Variants in LRIG1 observed in about 807,000 individuals in gnomAD.
The protein encoded by LRIG1 is leucine-rich repeats and immunoglobulin-like domains protein 1.
In LRIG1, 48 loss-of-function variants were observed where a neutral mutation model predicts 99.2. The observed-to-expected ratio is 0.48, with a 90% confidence interval of 0.38 to 0.62. The LOEUF (loss-of-function observed/expected upper bound fraction) is 0.62, where lower values mean the gene tolerates loss of function less well. LRIG1 is among the 20% of genes least tolerant of loss of function. The pLI, the probability that LRIG1 is intolerant of heterozygous loss-of-function variation, is 0.00. For missense variants in LRIG1, 1,646 were observed against 1,434.4 expected (o/e 1.15, Z -2.38); for synonymous variants, 772 against 596.1 (o/e 1.29, Z -4.30).
At chr3:66,399,105 A>G in intron 9 of LRIG1, 64 bp from the exon 10 acceptor site, 1 of 1,291,468 alleles carries the variant, frequency 7.7e-7, no homozygotes, top group East Asian at 2.3e-5. Flanking sequence ...AAGGGTTGAG[A>G]GAAAGAAAAA....
At chr3:66,393,231 G>T (rs965602045) in intron 12 of LRIG1, among the ~76,000 whole-genome samples, 4 of 152,194 alleles carry the variant, frequency 2.6e-5, no homozygotes. Context: ...GGATCTCAAG[G>T]CTCAAGGGAG....
At chr3:66,492,777 G>A (rs3856602) in intron 1 of LRIG1, among the ~76,000 whole-genome samples, 130,501 of 152,124 alleles carry the variant, frequency 0.86, 58,623 homozygotes, top group Non-Finnish European at 0.99. Context: ...TTGGTTGTTC[G>A]CACAATGGGC....
At chr3:66,455,028 T>A (rs1274007902) in intron 2 of LRIG1, among the ~76,000 whole-genome samples, 2 of 152,188 alleles carry the variant, frequency 1.3e-5, no homozygotes, top group African/African-American at 4.8e-5. Flanking sequence ...CACTGTAACC[T>A]CTGCCTCCTG....
chr3:66,486,094 CA>C (rs1700968064), intron 1 of LRIG1, among the ~76,000 whole-genome samples: 1 of 152,158 alleles, frequency 6.6e-6, no homozygotes, highest in Admixed American at 6.5e-5. Context: ...CAATATTTTT[CA>C]TAGAGTTAAG....
At chr3:66,474,041 T>C (rs1379612907) in intron 1 of LRIG1, among the ~76,000 whole-genome samples, 1 of 152,344 alleles carries the variant, frequency 6.6e-6, no homozygotes, top group East Asian at 1.9e-4. Context: ...GTTCTGGTTG[T>C]TGAAATGGCT....
chr3:66,390,558 T>G (rs150013323), intron 12 of LRIG1, among the ~76,000 whole-genome samples: 203 of 152,328 alleles, frequency 1.3e-3, no homozygotes, highest in African/African-American at 4.6e-3. Context: ...AGTCTATAGA[T>G]TCAATGCAAC....
rs763305052 is a variant in LRIG1 at position 66,378,835 on chromosome 3, T to G, written c.*1428A>C. 1.3e-5 allele frequency: 2 copies of G among 152,572 alleles called. No individual in the cohort carries two copies. Among genetic ancestry groups the G allele is most frequent in the African/African-American group, 2.4e-5 (1 of 41,436 alleles). 9.5% of individuals were successfully genotyped at this position (152,572 alleles called of 1,614,324 possible). A position where few individuals can be genotyped will look rare whatever the true frequency, so the allele number is the denominator to read the frequency against. On this transcript the variant is annotated 3_prime_UTR_variant, in exon 19 of 19. Transcript: ENST00000273261. ...TGAACCTTTATTAAAGACACTTCAA[T>G]GCCATTTGTTAGACACTTCAATATT...
intron 16 of LRIG1, 118 bp from the exon 17 acceptor site, chr3:66,381,749 C>T (rs1046618482): frequency 6.9e-5 from 78 of 1,130,438 alleles, no homozygotes; most frequent in Middle Eastern, 2.7e-4. Flanking sequence ...TTCTTCAGAG[C>T]GGTGGGGCTG....
chr3:66,476,023 C>T (rs1700715441), intron 1 of LRIG1, among the ~76,000 whole-genome samples: 1 of 152,174 alleles, frequency 6.6e-6, no homozygotes, highest in Non-Finnish European at 1.5e-5. Context: ...TGGTCTATGT[C>T]AGCAATAATC....
chr3:66,428,178 A>G (rs1039419014), intron 3 of LRIG1, among the ~76,000 whole-genome samples: 1 of 152,170 alleles, frequency 6.6e-6, no homozygotes, highest in Admixed American at 6.5e-5. Context: ...TGGAATTGCT[A>G]CTCAGGTCAT....
chr3:66,382,526 A>T (rs1201987723), intron 15 of LRIG1, 128 bp from the exon 16 acceptor site: 11 of 1,066,558 alleles, frequency 1.0e-5, no homozygotes, highest in Non-Finnish European at 1.3e-5. Flanking sequence ...GAGAGATGAC[A>T]TGGAGTCCAT....
At position 66,381,556 on chromosome 3, in the gene LRIG1, C is replaced by G; in HGVS notation, c.2693G>C (p.Cys898Ser). 6.2e-7 allele frequency: 1 copy of G among 1,614,156 alleles called. No individual in the cohort carries two copies. Among genetic ancestry groups the G allele is most frequent in the South Asian group, 1.1e-5 (1 of 91,084 alleles). ...HSVACRQPKL[C>S]AGSAYHKEPW... ...CTCTTTGTGATACGCAGACCCAGCA[C>G]AGAGCTTTGGCTGCCTGCAGGCAAC... Residue 898 changes from cysteine to serine, a missense_variant, in exon 17 of 19, where the codon TGT (cysteine) becomes TCT (serine). Cys to Ser is a moderately radical substitution (Grantham distance 112). Transcript: ENST00000273261.
chr3:66,430,472 C>T (rs1019543058), intron 3 of LRIG1, among the ~76,000 whole-genome samples: 1 of 152,176 alleles, frequency 6.6e-6, no homozygotes, highest in Admixed American at 6.5e-5. Flanking sequence ...ACAATCTCTC[C>T]CTCACTCACT....
chr3:66,467,357 ATT>A (rs11360909), intron 1 of LRIG1, among the ~76,000 whole-genome samples: 3,770 of 99,964 alleles, frequency 0.038, 48 homozygotes, highest in African/African-American at 0.086. Context: ...CACACTAGCT[ATT>A]TTTTTTTTTT....
At chr3:66,455,676 GTT>G (rs1700201395) in intron 2 of LRIG1, among the ~76,000 whole-genome samples, 1 of 152,176 alleles carries the variant, frequency 6.6e-6, no homozygotes, top group Admixed American at 6.5e-5. Flanking sequence ...ACTGTAGTTG[GTT>G]TTGTTTCTTA....
Position 66,385,961 on chromosome 3 carries a change from C to CA in LRIG1, c.1789+19dup. ...GCTTTGTAGGATTCTGGTACTATAA[C>CA]AAAGATGGTGTTTCCATACCATTCA... On this transcript the variant is annotated intron_variant, in intron 13 of 18. Transcript: ENST00000273261. 1.2e-6 allele frequency: 2 copies of CA among 1,604,860 alleles called. No homozygotes were observed. The highest frequency in any genetic ancestry group is 1.7e-6 in the Non-Finnish European group (2 of 1,173,924).
chr3:66,388,327 A>C (rs1701481869), intron 12 of LRIG1, among the ~76,000 whole-genome samples: 1 of 152,098 alleles, frequency 6.6e-6, no homozygotes, highest in Non-Finnish European at 1.5e-5. Flanking sequence ...CTGAGAAACA[A>C]AGAAAAAAGA....
intron 17 of LRIG1, 66 bp downstream of exon 17, chr3:66,381,413 A>G (rs191795591): frequency 4.0e-6 from 6 of 1,508,268 alleles, no homozygotes; most frequent in South Asian, 3.6e-5. Context: ...CCTTTGATGT[A>G]GTGACTAGGT....
intron 12 of LRIG1, among the ~76,000 whole-genome samples, chr3:66,392,776 G>A (rs552206052): frequency 3.9e-4 from 60 of 152,262 alleles, no homozygotes; most frequent in South Asian, 2.5e-3. Context: ...GGGAGGGAGC[G>A]ATGGAAAGCT....
Sources: gnomAD v4.1 joint callset for allele counts (sites outside exome capture counted in the v4.1 genomes callset) on GRCh38, gnomAD v4.1.1 for gene constraint, MANE v1.5 for transcripts, NCBI Gene and HGNC (gene_info 2026-07-23, HGNC 2026-07-21) for gene names.